Variants in CLSTN1 observed in about 807,000 individuals in gnomAD.
CLSTN1 encodes calsyntenin 1.
In CLSTN1, 28 loss-of-function variants were observed where a neutral mutation model predicts 108.3. That is an observed-to-expected ratio of 0.26 (90% CI 0.19 to 0.35). CLSTN1 has a LOEUF of 0.35. Ranked by LOEUF, CLSTN1 falls within the 10% of genes least tolerant of loss-of-function variation. The pLI is 1.00. For missense variants in CLSTN1, 1,157 were observed against 1,302.6 expected, an observed-to-expected ratio of 0.89 and a Z score of 1.72; for synonymous variants, 524 against 534.9, an observed-to-expected ratio of 0.98 and a Z score of 0.28.
intron 1 of CLSTN1, among the ~76,000 whole-genome samples, chr1:9,805,360 G>A (rs781466701): frequency 1.3e-5 from 2 of 152,110 alleles, no homozygotes; most frequent in African/African-American, 4.8e-5. Context: ...GGACTCCTGC[G>A]GGGGCAGGGA....
rs781773096 is a variant in CLSTN1 at position 9,731,127 on chromosome 1, G to GGA, written c.2748+77_2748+78dup. 6 of 1,541,232 alleles carry GGA rather than the reference G, an allele frequency of 3.9e-6. No homozygotes were observed. The South Asian group carries it at 4.5e-5, about 11-fold the overall frequency. On this transcript the variant is annotated intron_variant, in intron 18 of 18. Coordinates refer to ENST00000377298, the MANE Select transcript of CLSTN1 (RefSeq NM_001009566.3). The stretch of plus-strand genomic sequence containing the variant: ...GCGATGGAAAGCATGTGAACCTGAA[G>GGA]GAGCCGCGCCGTACCGGCTTCTCGG...
intron 8 of CLSTN1, among the ~76,000 whole-genome samples, 161 bp from the exon 9 acceptor site, chr1:9,744,166 T>C (rs1248222977): frequency 6.6e-6 from 1 of 152,218 alleles, no homozygotes; most frequent in Non-Finnish European, 1.5e-5. Flanking sequence ...TGGGCTTTCC[T>C]GAGAGGCGGA....
At chr1:9,816,774 G>A (rs1385858939) in intron 1 of CLSTN1, among the ~76,000 whole-genome samples, 1 of 152,178 alleles carries the variant, frequency 6.6e-6, no homozygotes, top group Non-Finnish European at 1.5e-5. Context: ...AGCCTCCCAA[G>A]TAGCTGGGAT....
intron 1 of CLSTN1, among the ~76,000 whole-genome samples, chr1:9,793,592 G>A (rs967924241): frequency 6.6e-6 from 1 of 151,542 alleles, no homozygotes; most frequent in South Asian, 2.2e-4. Context: ...AAGCTTTCTT[G>A]TAAGCAAAGA....
intron 9 of CLSTN1, 91 bp from the exon 10 acceptor site, chr1:9,741,347 C>T (rs1249312217): frequency 1.3e-5 from 16 of 1,264,440 alleles, no homozygotes; most frequent in Non-Finnish European, 1.8e-5. Context: ...ACACAAGGGT[C>T]TTCCTAGGAG....
intron 9 of CLSTN1, among the ~76,000 whole-genome samples, chr1:9,742,082 A>G (rs536433790): frequency 6.6e-6 from 1 of 152,356 alleles, no homozygotes; most frequent in Non-Finnish European, 1.5e-5. Flanking sequence ...GTGTGTGAAC[A>G]CGCATCAGCC....
chr1:9,801,990 G>T (rs1199057557), intron 1 of CLSTN1, among the ~76,000 whole-genome samples: 1 of 152,136 alleles, frequency 6.6e-6, no homozygotes, highest in African/African-American at 2.4e-5. Context: ...TTACTATAGT[G>T]TTCTAAGTAC....
At chr1:9,762,501 C>T (rs148897366) in intron 2 of CLSTN1, among the ~76,000 whole-genome samples, 1 of 143,956 alleles carries the variant, frequency 6.9e-6, no homozygotes, top group African/African-American at 2.9e-5. Context: ...TGCCAAGCAG[C>T]GACTATCCAC....
At chr1:9,785,782 T>C (rs753861530) in intron 1 of CLSTN1, among the ~76,000 whole-genome samples, 26 of 152,000 alleles carry the variant, frequency 1.7e-4, no homozygotes, top group Non-Finnish European at 3.2e-4. Flanking sequence ...GTGCATTACA[T>C]TGATGTGAAT....
At chr1:9,799,294 C>G (rs1214503989) in intron 1 of CLSTN1, among the ~76,000 whole-genome samples, 18 of 152,134 alleles carry the variant, frequency 1.2e-4, no homozygotes. Flanking sequence ...GTAGGAAAAC[C>G]TAAGCTGTAA....
chr1:9,812,236 C>T (rs111316208), intron 1 of CLSTN1, among the ~76,000 whole-genome samples: 3 of 152,304 alleles, frequency 2.0e-5, no homozygotes, highest in African/African-American at 7.2e-5. Context: ...TGTCTACCAT[C>T]GGTTCTCACT....
intron 1 of CLSTN1, among the ~76,000 whole-genome samples, chr1:9,797,856 G>T (rs1317325943): frequency 6.6e-6 from 1 of 151,878 alleles, no homozygotes; most frequent in Admixed American, 6.6e-5. Flanking sequence ...TAGAAATACT[G>T]TATGAGGCGG....
At chr1:9,779,916 A>C (rs1385179209) in intron 1 of CLSTN1, among the ~76,000 whole-genome samples, 1 of 151,906 alleles carries the variant, frequency 6.6e-6, no homozygotes, top group Admixed American at 6.6e-5. Flanking sequence ...TGAATGGTGC[A>C]ATCTGGGCTC....
chr1:9,803,158 C>T (rs182038906), intron 1 of CLSTN1, among the ~76,000 whole-genome samples: 3 of 152,054 alleles, frequency 2.0e-5, no homozygotes, highest in East Asian at 3.9e-4. Context: ...AAATAATATA[C>T]AAGCAAACAG....
intron 2 of CLSTN1, among the ~76,000 whole-genome samples, chr1:9,759,345 G>A (rs1391896102): frequency 6.6e-6 from 1 of 152,020 alleles, no homozygotes; most frequent in Non-Finnish European, 1.5e-5. Flanking sequence ...GCACGATCTT[G>A]GCTCACTGCA....
chr1:9,744,071 C>A, intron 8 of CLSTN1, 66 bp from the exon 9 acceptor site: 1 of 1,587,064 alleles, frequency 6.3e-7, no homozygotes. Context: ...AAAGCTGTTT[C>A]TTGAATGGAT....
chr1:9,811,373 T>C (rs1654749073), intron 1 of CLSTN1, among the ~76,000 whole-genome samples: 1 of 152,194 alleles, frequency 6.6e-6, no homozygotes, highest in South Asian at 2.1e-4. Flanking sequence ...AAGAGGCGGC[T>C]CTCGTACACT....
rs928846266 is a variant in CLSTN1 at position 9,744,578 on chromosome 1, G to A, written c.1051C>T (p.Leu351=). Residue 351 remains leucine (L), a synonymous_variant, in exon 8 of 19, where the codon CTG becomes TTG. Coordinates refer to ENST00000377298, the MANE Select transcript of CLSTN1 (RefSeq NM_001009566.3). ...CTGTCGTGGCCATTGTCGGTGGGCA[G>A]GCCCATGGTCCAGTTGAGGGATCCA... ...PSGSLNWTMG[L]PTDNGHDSDQ... The A allele has an allele frequency of 6.2e-7, 1 of 1,613,710 alleles. No individual in the cohort carries two copies. Among genetic ancestry groups the A allele is most frequent in the Non-Finnish European group, 8.5e-7 (1 of 1,180,004 alleles).
chr1:9,767,684 C>T (rs140181937), intron 2 of CLSTN1, among the ~76,000 whole-genome samples: 15 of 152,096 alleles, frequency 9.9e-5, no homozygotes, highest in Admixed American at 9.2e-4. Flanking sequence ...CAACATGGTG[C>T]GAAATTAAAC....
Sources: allele counts gnomAD v4.1 joint callset (sites outside exome capture counted in the v4.1 genomes callset), GRCh38; gene constraint gnomAD v4.1.1; transcripts MANE v1.5; gene names NCBI Gene and HGNC (gene_info 2026-07-23, HGNC 2026-07-21).